The following ROBO1 variants were observed in gnomAD, a reference collection of about 807,000 sequenced individuals.
ROBO1 encodes roundabout guidance receptor 1.
In ROBO1, 149 loss-of-function variants were observed where a neutral mutation model predicts 195.9. The ratio of observed to expected loss-of-function variants is 0.76; its 90% CI spans 0.67 to 0.87. The LOEUF is 0.87. ROBO1 is among the 40% of genes least tolerant of loss of function. ROBO1 has a pLI of 0.00. For missense variants in ROBO1, 1,933 were observed against 2,068.3 expected (o/e 0.93, Z 1.27); for synonymous variants, 816 against 733.2 (o/e 1.11, Z -1.82).
intron 10 of ROBO1, among the ~76,000 whole-genome samples, chr3:78,675,350 G>C (rs910954773): frequency 7.2e-5 from 11 of 152,118 alleles, no homozygotes; most frequent in African/African-American, 2.7e-4. Context: ...TTCGCGAGCC[G>C]AAGCAGGGCG....
At chr3:79,655,614 G>A (rs1476527150) in intron 1 of ROBO1, among the ~76,000 whole-genome samples, 4 of 151,990 alleles carry the variant, frequency 2.6e-5, no homozygotes, top group Non-Finnish European at 2.9e-5. Context: ...AACATTCCAT[G>A]TATTTTTTTA....
intron 3 of ROBO1, among the ~76,000 whole-genome samples, chr3:79,076,739 G>A (rs1318454195): frequency 2.0e-5 from 3 of 151,896 alleles, no homozygotes; most frequent in South Asian, 2.1e-4. Flanking sequence ...TCAAAGGAAT[G>A]TTTCAATTAG....
intron 2 of ROBO1, among the ~76,000 whole-genome samples, chr3:79,562,514 G>A (rs1224325253): frequency 6.6e-6 from 1 of 151,982 alleles, no homozygotes; most frequent in East Asian, 1.9e-4. Context: ...CCAAAAGATA[G>A]TATGACTTTA....
At chr3:78,815,098 C>G (rs1411333064) in intron 4 of ROBO1, among the ~76,000 whole-genome samples, 1 of 152,044 alleles carries the variant, frequency 6.6e-6, no homozygotes, top group African/African-American at 2.4e-5. Flanking sequence ...ACCATTTGCC[C>G]TTATCTCTTT....
chr3:79,395,848 T>A (rs945211846), intron 2 of ROBO1, among the ~76,000 whole-genome samples: 2 of 152,114 alleles, frequency 1.3e-5, no homozygotes, highest in East Asian at 3.9e-4. Context: ...GATACACAGT[T>A]TTTTTCTGAT....
At chr3:78,982,489 A>G (rs2077019041) in intron 3 of ROBO1, among the ~76,000 whole-genome samples, 1 of 152,164 alleles carries the variant, frequency 6.6e-6, no homozygotes, top group African/African-American at 2.4e-5. Flanking sequence ...ACATCCCACC[A>G]AATGCTAGTA....
chr3:78,992,591 G>T (rs1352964478), intron 3 of ROBO1, among the ~76,000 whole-genome samples: 1 of 152,110 alleles, frequency 6.6e-6, no homozygotes, highest in Non-Finnish European at 1.5e-5. Context: ...TTTACTTACT[G>T]TTTAAAACAG....
At chr3:79,083,214 A>G (rs1218803805) in intron 3 of ROBO1, among the ~76,000 whole-genome samples, 1 of 152,134 alleles carries the variant, frequency 6.6e-6, no homozygotes, top group African/African-American at 2.4e-5. Flanking sequence ...AAACAAAAGT[A>G]TATTTGCGAA....
intron 2 of ROBO1, chr3:79,533,098 T>C (rs1041982657): frequency 9.1e-6 from 4 of 439,952 alleles, no homozygotes; most frequent in South Asian, 3.3e-5. Context: ...GGTTCTTTAG[T>C]AGGCTTGAGC....
intron 2 of ROBO1, among the ~76,000 whole-genome samples, chr3:79,443,966 A>T (rs1206825110): frequency 6.6e-6 from 1 of 151,222 alleles, no homozygotes; most frequent in Non-Finnish European, 1.5e-5. Context: ...AAAAACCGGG[A>T]GTGCACATGA....
At chr3:79,239,938 T>A (rs963220602) in intron 2 of ROBO1, among the ~76,000 whole-genome samples, 1 of 152,170 alleles carries the variant, frequency 6.6e-6, no homozygotes, top group Non-Finnish European at 1.5e-5. Flanking sequence ...TGCAACATGA[T>A]GTTTTGGTAT....
chr3:78,714,476 A>G lies in ROBO1; in HGVS notation c.966T>C (p.Ala322=). Residue 322 remains alanine (A), a synonymous_variant, in exon 8 of 31, where the codon GCT becomes GCC. Coordinates refer to ENST00000464233, the MANE Select transcript of ROBO1 (RefSeq NM_002941.4). ...DHTLKIRKVT[A]GDMGSYTCVA... ...CACAAGTGTATGAACCCATGTCACC[A>G]GCTGTCACCTTCCTAATTTTCAAGG... 1.2e-6 allele frequency: 2 copies of G among 1,613,150 alleles called. No individual in the cohort carries two copies. Among genetic ancestry groups the G allele is most frequent in the Non-Finnish European group, 8.5e-7 (1 of 1,179,506 alleles).
chr3:78,724,435 G>T (rs760301200), intron 5 of ROBO1, among the ~76,000 whole-genome samples: 19 of 151,286 alleles, frequency 1.3e-4, no homozygotes, highest in Non-Finnish European at 2.7e-4. Flanking sequence ...CAGCACTTCG[G>T]GAGGCAGAGG....
chr3:79,544,684 C>T (rs1315064914), intron 2 of ROBO1, among the ~76,000 whole-genome samples: 2 of 151,798 alleles, frequency 1.3e-5, no homozygotes, highest in Admixed American at 6.6e-5. Context: ...AAAAGTCTTC[C>T]TAATGAACAT....
chr3:79,391,358 G>T (rs1432544719), intron 2 of ROBO1, among the ~76,000 whole-genome samples: 1 of 152,030 alleles, frequency 6.6e-6, no homozygotes, highest in Non-Finnish European at 1.5e-5. Context: ...TCCTAACACA[G>T]ACGGAACAAC....
rs545664871 is a variant in ROBO1 at position 79,658,218 on chromosome 3, A to G, written c.-50-68257T>C. On this transcript the variant is annotated intron_variant, in intron 1 of 30. Transcript: ENST00000464233. ...ACAACAATTCTAGCGGACTTGATGGAGTGCCCACCCGTATGTCAGTGGTGG... is the reference window on the plus strand; with the variant it reads ...ACAACAATTCTAGCGGACTTGATGGGGTGCCCACCCGTATGTCAGTGGTGG... Among the ~76,000 whole-genome samples, 5 of 152,236 alleles carry G rather than the reference A, an allele frequency of 3.3e-5. No individual in the cohort carries two copies. In the East Asian group the frequency reaches 9.7e-4, roughly 29 times the overall value.
intron 1 of ROBO1, among the ~76,000 whole-genome samples, chr3:79,601,046 G>A (rs549907129): frequency 6.6e-6 from 1 of 152,036 alleles, no homozygotes; most frequent in East Asian, 2.0e-4. Context: ...TATAAACAGA[G>A]TGCTGTATTA....
At chr3:79,588,912 G>GA (rs1943911107) in intron 2 of ROBO1, among the ~76,000 whole-genome samples, 1 of 151,600 alleles carries the variant, frequency 6.6e-6, no homozygotes, top group African/African-American at 2.4e-5. Context: ...CCAGCACAGG[G>GA]AAAAATTGAA....
At chr3:79,644,912 T>C (rs1416655830) in intron 1 of ROBO1, among the ~76,000 whole-genome samples, 1 of 152,040 alleles carries the variant, frequency 6.6e-6, no homozygotes. Context: ...AAGAGGATTA[T>C]AAGAAATTAC....
Sources: allele counts gnomAD v4.1 joint callset (sites outside exome capture counted in the v4.1 genomes callset), GRCh38; gene constraint gnomAD v4.1.1; transcripts MANE v1.5; gene names NCBI Gene and HGNC (gene_info 2026-07-23, HGNC 2026-07-21).